Variants in CCDC13 observed in about 807,000 individuals in gnomAD.
The protein encoded by CCDC13 is coiled-coil domain containing 13, also known as coiled-coil domain-containing protein 13.
CCDC13 carries 70 observed loss-of-function variants against 87.3 expected under a neutral mutation model. The ratio of observed to expected loss-of-function variants is 0.80; its 90% confidence interval spans 0.66 to 0.98. The LOEUF (loss-of-function observed/expected upper bound fraction) is 0.98. Ranked by LOEUF, CCDC13 falls within the 50% of genes least tolerant of loss-of-function variation. CCDC13 has a pLI of 0.00. For missense variants in CCDC13, 842 were observed against 892.0 expected (o/e 0.94, Z 0.71); for synonymous variants, 317 against 360.3 (o/e 0.88, Z 1.36).
Position 42,730,540 on chromosome 3 carries a change from T to A in CCDC13, c.1645A>T (p.Ile549Phe). The change falls in exon 13 of 16, where the codon ATC becomes TTC. Residue 549 changes from isoleucine (I) to phenylalanine (F), a missense_variant. Coordinates refer to ENST00000310232, the MANE Select transcript of CCDC13 (RefSeq NM_144719.4). The part of the protein sequence containing the change: ...QKGWQAQVSE[I>F]KALWQAAEVE... ...TCGGCAGCCTGCCAGAGGGCCTTGATCTCTGACACTTGTGCCTGCCAGCCT... is the reference window on the plus strand; with the variant it reads ...TCGGCAGCCTGCCAGAGGGCCTTGAACTCTGACACTTGTGCCTGCCAGCCT... The A allele has an allele frequency of 6.2e-7, 1 of 1,614,132 alleles. No homozygotes were observed.
intron 13 of CCDC13, among the ~76,000 whole-genome samples, chr3:42,727,640 G>A (rs1451605955): frequency 6.6e-6 from 1 of 152,126 alleles, no homozygotes; most frequent in Non-Finnish European, 1.5e-5. Context: ...GAATGTGGAA[G>A]AGAAATATTA....
At chr3:42,743,919 C>T (rs114466584) in intron 7 of CCDC13, among the ~76,000 whole-genome samples, 14 of 152,182 alleles carry the variant, frequency 9.2e-5, no homozygotes, top group East Asian at 3.9e-4. Context: ...TGTGTGACTG[C>T]GCACAGGTAA....
chr3:42,758,887 A>T (rs1408778941), intron 1 of CCDC13, among the ~76,000 whole-genome samples: 2 of 152,150 alleles, frequency 1.3e-5, no homozygotes, highest in Non-Finnish European at 2.9e-5. Flanking sequence ...CAGGGCACTT[A>T]CGGTCCCTGA....
At chr3:42,771,415 A>G (rs531304180) in intron 1 of CCDC13, among the ~76,000 whole-genome samples, 32 of 152,276 alleles carry the variant, frequency 2.1e-4, no homozygotes, top group African/African-American at 7.2e-4. Context: ...TGGTGGATAC[A>G]CAGCATTACA....
chr3:42,728,797 G>A (rs1043699639), intron 13 of CCDC13, among the ~76,000 whole-genome samples: 3 of 152,184 alleles, frequency 2.0e-5, no homozygotes, highest in Admixed American at 1.3e-4. Flanking sequence ...AACACCCCAG[G>A]ATGACACAGA....
chr3:42,752,269 A>G (rs915287638), intron 4 of CCDC13, among the ~76,000 whole-genome samples: 4 of 152,192 alleles, frequency 2.6e-5, no homozygotes, highest in Admixed American at 1.3e-4. Flanking sequence ...TAACAGCTTA[A>G]TAAATAATAA....
chr3:42,745,762 T>C (rs879725855), intron 7 of CCDC13, 161 bp downstream of exon 7: 50 of 520,654 alleles, frequency 9.6e-5, no homozygotes, highest in Non-Finnish European at 1.5e-4. Context: ...TCAGGCTGGT[T>C]GGCGAGAAGG....
At chr3:42,741,207 C>T (rs549261154) in intron 8 of CCDC13, 86 of 152,206 alleles carry the variant, frequency 5.7e-4, no homozygotes, top group African/African-American at 2.0e-3. Flanking sequence ...TCCTTTATAA[C>T]TCTTCCTCCT....
Position 42,714,938 on chromosome 3 carries a change from T to C in CCDC13, c.1719-1622A>G, listed in dbSNP as rs574096847. ...TACTATAGAACGTGATAGAATATGA[T>C]AGAGCTGTGCTGCCCAACACAGTGA... On this transcript the variant is annotated intron_variant, in intron 13 of 15. Coordinates refer to ENST00000310232, the MANE Select transcript of CCDC13 (RefSeq NM_144719.4). Among the ~76,000 whole-genome samples the C allele has an allele frequency of 2.6e-5, 4 of 152,188 alleles. No individual in the cohort carries two copies. In the South Asian group the frequency reaches 8.3e-4, roughly 32 times the overall value.
At chr3:42,728,143 A>G (rs1181619572) in intron 13 of CCDC13, among the ~76,000 whole-genome samples, 2 of 152,276 alleles carry the variant, frequency 1.3e-5, no homozygotes, top group African/African-American at 2.4e-5. Context: ...GACAATGGAC[A>G]ACAGGACGAC....
chr3:42,768,612 G>A (rs913601523), intron 1 of CCDC13, among the ~76,000 whole-genome samples: 5 of 152,162 alleles, frequency 3.3e-5, no homozygotes, highest in African/African-American at 9.6e-5. Context: ...CAGGAGAATC[G>A]CTTGAACCCG....
In CCDC13 at chr3:42,760,756, A is replaced by AAAT. The variant is rs1254267469; in HGVS notation, c.-6-2408_-6-2406dup. Among the ~76,000 whole-genome samples the AAAT allele has an allele frequency of 3.2e-5, 3 of 94,852 alleles. No individual in the cohort carries two copies. In the East Asian group the frequency reaches 2.4e-3, roughly 76 times the overall value. The allele number at this position is 94,852 out of a possible 152,430, so 62.2% of individuals were successfully genotyped here. A position where few individuals can be genotyped will look rare whatever the true frequency, so the allele number is the denominator to read the frequency against. Reference sequence around the variant, plus strand: ...GGTGACAGAGCAAGACTCTGTCTCAAAATAAATAAATAAATAAAATATAAA... The same window carrying AAAT: ...GGTGACAGAGCAAGACTCTGTCTCAAAATAATAAATAAATAAATAAAATATAAA... On this transcript the variant is annotated intron_variant, in intron 1 of 15. Coordinates refer to ENST00000310232, the MANE Select transcript of CCDC13 (RefSeq NM_144719.4).
At position 42,732,973 on chromosome 3, in the gene CCDC13, G is replaced by C. The variant is rs757379466; in HGVS notation, c.1512-3C>G. On this transcript the variant is annotated splice_polypyrimidine_tract_variant and splice_region_variant and intron_variant, in intron 11 of 15. Transcript: ENST00000310232. ...TGTGGCCCAGGCTGGTCACAGAGCTGTGTAAAGGCGGAAGGGGCCCATCAG... is the reference window on the plus strand; with the variant it reads ...TGTGGCCCAGGCTGGTCACAGAGCTCTGTAAAGGCGGAAGGGGCCCATCAG... The C allele has an allele frequency of 1.9e-6, 3 of 1,551,788 alleles. No individual in the cohort carries two copies. Among genetic ancestry groups the C allele is most frequent in the Non-Finnish European group, 2.6e-6 (3 of 1,147,046 alleles).
chr3:42,737,631 T>C (rs1297282829), intron 9 of CCDC13, among the ~76,000 whole-genome samples: 2 of 152,208 alleles, frequency 1.3e-5, no homozygotes, highest in African/African-American at 2.4e-5. Context: ...TGGTATCTCA[T>C]TGTGGTTTTG....
rs1197094890 is a variant in CCDC13, at chr3:42,739,662, T to C, written c.1136A>G (p.His379Arg). 6.2e-7 allele frequency: 1 copy of C among 1,614,190 alleles called. No homozygotes were observed. Among genetic ancestry groups the C allele is most frequent in the Non-Finnish European group, 8.5e-7 (1 of 1,180,022 alleles). Reference sequence around the variant, plus strand: ...GAGGGCGTCGATGAGCTCGTCATCATGCCGGCCCTTCTCCACCAGGGTTCC... The same window carrying C: ...GAGGGCGTCGATGAGCTCGTCATCACGCCGGCCCTTCTCCACCAGGGTTCC... Reference protein sequence around the residue: ...QMGTLVEKGRHDDELIDALMD... With the variant: ...QMGTLVEKGRRDDELIDALMD... The change falls in exon 9 of 16, where the codon CAT becomes CGT. Residue 379 changes from histidine (H) to arginine (R), a missense_variant. Coordinates refer to ENST00000310232, the MANE Select transcript of CCDC13 (RefSeq NM_144719.4).
At chr3:42,732,470 C>T (rs12491179) in intron 12 of CCDC13, 41,800 of 186,736 alleles carry the variant, frequency 0.22, 6,031 homozygotes, top group East Asian at 0.51. Context: ...GAACAAAGGG[C>T]CCATTTACAC....
chr3:42,727,489 G>A (rs6810329), intron 13 of CCDC13, among the ~76,000 whole-genome samples: 3,088 of 152,290 alleles, frequency 0.02, 97 homozygotes, highest in African/African-American at 0.07. Context: ...AAGAAGGAAA[G>A]TGAACCTAGA....
At chr3:42,750,672 T>G (rs760018063) in intron 5 of CCDC13, among the ~76,000 whole-genome samples, 1 of 152,220 alleles carries the variant, frequency 6.6e-6, no homozygotes, top group Non-Finnish European at 1.5e-5. Flanking sequence ...TTCACCATGT[T>G]GGCCAGGCTG....
Position 42,733,494 on chromosome 3 carries a change from T to G in CCDC13, c.1487A>C (p.His496Pro). 6.2e-7 allele frequency: 1 copy of G among 1,614,028 alleles called. No homozygotes were observed. Among genetic ancestry groups the G allele is most frequent in the Non-Finnish European group, 8.5e-7 (1 of 1,179,986 alleles). The change falls in exon 11 of 16, where the codon CAT (histidine) becomes CCT (proline). Residue 496 changes from histidine to proline, a missense_variant. His to Pro is a moderately conservative substitution (Grantham distance 77). Coordinates refer to ENST00000310232, the MANE Select transcript of CCDC13 (RefSeq NM_144719.4). ...LTKSPASAGDHVGRLGSSRSV... is the reference protein window; with the variant it reads ...LTKSPASAGDPVGRLGSSRSV... ...CCGAGAAGATCCAAGCCTGCCAACA[T>G]GATCGCCTGCTGAGGCCGGGGACTT...
Sources: allele counts gnomAD v4.1 joint callset (sites outside exome capture counted in the v4.1 genomes callset), GRCh38; gene constraint gnomAD v4.1.1; transcripts MANE v1.5; gene names NCBI Gene and HGNC (gene_info 2026-07-23, HGNC 2026-07-21).